The following CTNNA3 variants were observed in gnomAD, a reference collection of about 807,000 sequenced individuals.
The protein encoded by CTNNA3 is catenin alpha 3.
In CTNNA3, 76 loss-of-function variants were observed where a neutral mutation model predicts 95.7. The ratio of observed to expected loss-of-function variants is 0.79; its 90% CI spans 0.66 to 0.96. The LOEUF (loss-of-function observed/expected upper bound fraction) is 0.96. CTNNA3 is among the 40% of genes least tolerant of loss of function. The probability of loss-of-function intolerance (pLI) is 0.00; values close to 1 mark genes in which losing one functional copy is unlikely to be tolerated. For synonymous variants in CTNNA3, 431 were observed against 374.4 expected, an observed-to-expected ratio of 1.15 and a Z score of -1.74; for missense variants, 1,191 against 1,089.8, an observed-to-expected ratio of 1.09 and a Z score of -1.31.
intron 13 of CTNNA3, among the ~76,000 whole-genome samples, chr10:66,157,839 T>C (rs1036685648): frequency 6.6e-6 from 1 of 152,154 alleles, no homozygotes; most frequent in South Asian, 2.1e-4. Flanking sequence ...CTACTGTTTT[T>C]TTTATTATGG....
chr10:66,572,669 CA>C (rs1393407054), intron 10 of CTNNA3, among the ~76,000 whole-genome samples: 1 of 152,004 alleles, frequency 6.6e-6, no homozygotes, highest in African/African-American at 2.4e-5. Context: ...GAAAACTTCA[CA>C]GATTGGAGGC....
At chr10:67,073,228 C>A (rs1856560997) in intron 7 of CTNNA3, among the ~76,000 whole-genome samples, 1 of 152,126 alleles carries the variant, frequency 6.6e-6, no homozygotes, top group Non-Finnish European at 1.5e-5. Flanking sequence ...CTATGACCTA[C>A]TTGAAAATCA....
chr10:66,380,654 T>C (rs2092831607), intron 11 of CTNNA3, among the ~76,000 whole-genome samples: 1 of 149,190 alleles, frequency 6.7e-6, no homozygotes, highest in African/African-American at 2.4e-5. Context: ...AAATTAATTA[T>C]ATATAGTTAA....
At chr10:66,084,028 G>A (rs944511445) in intron 14 of CTNNA3, among the ~76,000 whole-genome samples, 64 of 151,654 alleles carry the variant, frequency 4.2e-4, no homozygotes, top group East Asian at 3.9e-4. Context: ...CTAGCTATTC[G>A]GGAGGCTGAG....
chr10:66,998,104 G>A lies in CTNNA3; in HGVS notation c.1047+182213C>T, dbSNP rs150429409. Among the ~76,000 whole-genome samples, 863 of 152,190 alleles carry A rather than the reference G, an allele frequency of 5.7e-3. 8 individuals are homozygous for A. Among genetic ancestry groups the A allele is most frequent in the Non-Finnish European group, 7.4e-3 (503 of 68,006 alleles). On this transcript the variant is annotated intron_variant, in intron 7 of 17. Coordinates refer to ENST00000433211, the MANE Select transcript of CTNNA3 (RefSeq NM_013266.4). Reference sequence around the variant, plus strand: ...TGTAATTATATTTCTAAAATGAGATGGCTGATGCCATTCCCCTACATAAAT... The same window carrying A: ...TGTAATTATATTTCTAAAATGAGATAGCTGATGCCATTCCCCTACATAAAT...
chr10:66,319,339 C>A (rs960756511), intron 12 of CTNNA3, among the ~76,000 whole-genome samples: 2 of 152,144 alleles, frequency 1.3e-5, no homozygotes, highest in African/African-American at 4.8e-5. Flanking sequence ...TTAACGGAAT[C>A]CCAATAATTG....
chr10:65,961,713 T>C (rs1457290350), intron 17 of CTNNA3, among the ~76,000 whole-genome samples: 1 of 151,820 alleles, frequency 6.6e-6, no homozygotes, highest in African/African-American at 2.4e-5. Flanking sequence ...TAGCATACCT[T>C]GCAGTGAAAT....
intron 9 of CTNNA3, among the ~76,000 whole-genome samples, chr10:66,626,746 T>C (rs1378298954): frequency 6.6e-6 from 1 of 152,106 alleles, no homozygotes; most frequent in Admixed American, 6.5e-5. Flanking sequence ...GTAAGAGTAA[T>C]AGAATCACCA....
intron 2 of CTNNA3, among the ~76,000 whole-genome samples, chr10:67,645,036 C>T (rs548717109): frequency 1.3e-4 from 20 of 152,228 alleles, no homozygotes; most frequent in Middle Eastern, 3.4e-3. Flanking sequence ...CCCTCTAAAA[C>T]TAGTATAATC....
At chr10:66,072,757 C>T (rs2080467805) in intron 14 of CTNNA3, among the ~76,000 whole-genome samples, 1 of 152,048 alleles carries the variant, frequency 6.6e-6, no homozygotes, top group African/African-American at 2.4e-5. Context: ...CCCTTATCTG[C>T]CAAACGCGCA....
chr10:66,273,082 T>C (rs10822786), intron 13 of CTNNA3, among the ~76,000 whole-genome samples: 71,463 of 151,978 alleles, frequency 0.47, 18,276 homozygotes, highest in African/African-American at 0.69. Context: ...TAGATCTTAG[T>C]AACCTTGGCA....
intron 1 of CTNNA3, among the ~76,000 whole-genome samples, chr10:67,647,848 A>ATTC (rs1839765568): frequency 6.6e-6 from 1 of 151,134 alleles, no homozygotes; most frequent in Admixed American, 6.6e-5. Flanking sequence ...ATCTTACAGC[A>ATTC]TTCAAGTCCT....
intron 9 of CTNNA3, among the ~76,000 whole-genome samples, chr10:66,749,077 C>T (rs1376996895): frequency 1.3e-5 from 2 of 151,228 alleles, no homozygotes; most frequent in East Asian, 1.9e-4. Flanking sequence ...CCAGCTGTCA[C>T]CTGTAGTCCC....
chr10:66,135,508 TG>T (rs112754174), intron 13 of CTNNA3, among the ~76,000 whole-genome samples: 7,274 of 152,212 alleles, frequency 0.048, 214 homozygotes, highest in African/African-American at 0.067. Flanking sequence ...AGCTTTTCTT[TG>T]TAGAAAAATC....
intron 3 of CTNNA3, among the ~76,000 whole-genome samples, chr10:67,554,666 A>T (rs984909982): frequency 3.3e-5 from 5 of 152,084 alleles, no homozygotes; most frequent in African/African-American, 1.2e-4. Context: ...CTTTTGTCAG[A>T]TGGGTAGATT....
chr10:66,920,939 T>C (rs552294441), intron 7 of CTNNA3, among the ~76,000 whole-genome samples: 3 of 152,326 alleles, frequency 2.0e-5, no homozygotes, highest in African/African-American at 7.2e-5. Flanking sequence ...CCAAACACCA[T>C]CATCTATCTC....
At chr10:66,970,942 A>G (rs1256147058) in intron 7 of CTNNA3, among the ~76,000 whole-genome samples, 1 of 152,188 alleles carries the variant, frequency 6.6e-6, no homozygotes, top group Non-Finnish European at 1.5e-5. Context: ...AATAGAAAGA[A>G]GTTATCTATT....
At chr10:67,400,444 G>A (rs1056462660) in intron 5 of CTNNA3, among the ~76,000 whole-genome samples, 1 of 152,106 alleles carries the variant, frequency 6.6e-6, no homozygotes, top group African/African-American at 2.4e-5. Context: ...CAATAAAAAT[G>A]AGCAATTCAC....
At chr10:67,228,682 G>A (rs1865048662) in intron 5 of CTNNA3, among the ~76,000 whole-genome samples, 1 of 152,038 alleles carries the variant, frequency 6.6e-6, no homozygotes, top group Non-Finnish European at 1.5e-5. Flanking sequence ...ATCATTCAAG[G>A]CTACTGTGAA....
Sources: allele counts gnomAD v4.1 joint callset (sites outside exome capture counted in the v4.1 genomes callset), GRCh38; gene constraint gnomAD v4.1.1; transcripts MANE v1.5; gene names NCBI Gene and HGNC (gene_info 2026-07-23, HGNC 2026-07-21).